The following ALPL variants were observed in gnomAD, a reference collection of about 807,000 sequenced individuals.
ALPL encodes the protein alkaline phosphatase, tissue-nonspecific isozyme.
In ALPL, 42 loss-of-function variants were observed where a neutral mutation model predicts 51.3. The ratio of observed to expected loss-of-function variants is 0.82; its 90% CI spans 0.64 to 1.06. ALPL has a LOEUF of 1.06. ALPL is among the 50% of genes least tolerant of loss of function. The pLI, the probability that ALPL is intolerant of heterozygous loss-of-function variation, is 0.00. For synonymous variants in ALPL, 279 were observed against 296.4 expected, an observed-to-expected ratio of 0.94 and a Z score of 0.60; for missense variants, 589 against 709.4, an observed-to-expected ratio of 0.83 and a Z score of 1.93.
chr1:21,532,173 A>T (rs568872820), intron 1 of ALPL, among the ~76,000 whole-genome samples: 76 of 152,242 alleles, frequency 5.0e-4, no homozygotes, highest in African/African-American at 1.6e-3. Flanking sequence ...TATTAGAATA[A>T]AAAGACCAAG....
intron 1 of ALPL, among the ~76,000 whole-genome samples, chr1:21,514,076 C>T (rs1643744873): frequency 6.6e-6 from 1 of 152,190 alleles, no homozygotes; most frequent in Non-Finnish European, 1.5e-5. Flanking sequence ...ATATGGGACA[C>T]GTGGACACTA....
chr1:21,571,921 A>T (rs1458126565), intron 8 of ALPL, among the ~76,000 whole-genome samples: 3 of 151,772 alleles, frequency 2.0e-5, no homozygotes, highest in Non-Finnish European at 4.4e-5. Flanking sequence ...TGAGCCCAGG[A>T]GGTTGAGGCT....
At position 21,546,838 on chromosome 1, in the gene ALPL, A is replaced by C. The variant is rs555403368; in HGVS notation, c.-104-7140A>C. On this transcript the variant is annotated intron_variant, in intron 1 of 11. Transcript: ENST00000374840. ...CCTGGTACACAGTTGGTGCTCAATA[A>C]GAGCAGTTCGTCTTCTTCTGAGCAT... Among the ~76,000 whole-genome samples, 71 of 152,352 alleles carry C rather than the reference A, an allele frequency of 4.7e-4. 1 individual carries two copies. The highest frequency in any genetic ancestry group is 2.5e-4 in the Non-Finnish European group (17 of 68,034).
At chr1:21,550,099 G>A (rs1644301906) in intron 1 of ALPL, among the ~76,000 whole-genome samples, 1 of 152,192 alleles carries the variant, frequency 6.6e-6, no homozygotes, top group Non-Finnish European at 1.5e-5. Flanking sequence ...GGATCGCCAG[G>A]TTTAGGGATG....
chr1:21,527,078 G>C (rs1643956848), intron 1 of ALPL, among the ~76,000 whole-genome samples: 1 of 125,770 alleles, frequency 8.0e-6, no homozygotes, highest in South Asian at 2.3e-4. Flanking sequence ...TGTTGCCCAG[G>C]CTGGAGTGCA....
intron 8 of ALPL, among the ~76,000 whole-genome samples, chr1:21,571,410 T>C (rs4654971): frequency 0.086 from 13,092 of 151,794 alleles, 1,226 homozygotes; most frequent in East Asian, 0.45. Context: ...CAGTGGCTCA[T>C]GCCTGTAATC....
chr1:21,577,339 A>T (rs1204850002), intron 11 of ALPL, 44 bp from the exon 12 acceptor site: 2 of 1,612,674 alleles, frequency 1.2e-6, no homozygotes, highest in Non-Finnish European at 1.7e-6. Flanking sequence ...GCGCAGCGCC[A>T]GGCCCCTGGC....
intron 1 of ALPL, among the ~76,000 whole-genome samples, chr1:21,525,821 C>G (rs901313043): frequency 6.6e-6 from 1 of 152,166 alleles, no homozygotes; most frequent in African/African-American, 2.4e-5. Context: ...AACCTCGTCT[C>G]TACTAAAAAT....
intron 1 of ALPL, among the ~76,000 whole-genome samples, chr1:21,511,047 C>A (rs1643676606): frequency 6.6e-6 from 1 of 152,190 alleles, no homozygotes; most frequent in Admixed American, 6.5e-5. Flanking sequence ...TGAACTGAGG[C>A]CAGAACAAGA....
chr1:21,532,437 C>A lies in ALPL; in HGVS notation c.-104-21541C>A, dbSNP rs551468047. Among the ~76,000 whole-genome samples, 143 of 152,206 alleles carry A rather than the reference C, an allele frequency of 9.4e-4. 1 individual carries two copies. The highest frequency in any genetic ancestry group is 1.2e-3 in the Non-Finnish European group (85 of 68,016). ...AACTCCTGACCTCATGTGATCCGCCCGCCTCAGCCTCCTGAAGTGCTGGGA... is the reference window on the plus strand; with the variant it reads ...AACTCCTGACCTCATGTGATCCGCCAGCCTCAGCCTCCTGAAGTGCTGGGA... On this transcript the variant is annotated intron_variant, in intron 1 of 11. Transcript: ENST00000374840.
chr1:21,519,463 G>A (rs1643862685), intron 1 of ALPL, among the ~76,000 whole-genome samples: 1 of 152,320 alleles, frequency 6.6e-6, no homozygotes, highest in African/African-American at 2.4e-5. Flanking sequence ...TTACACATGC[G>A]CAGCACAGCA....
rs137908784 is a variant in ALPL, at chr1:21,534,131, T to A, written c.-104-19847T>A. Among the ~76,000 whole-genome samples the A allele has an allele frequency of 1.6e-3, 246 of 152,114 alleles. 1 individual carries two copies. Among genetic ancestry groups the A allele is most frequent in the African/African-American group, 5.7e-3 (237 of 41,510 alleles). On this transcript the variant is annotated intron_variant, in intron 1 of 11. Transcript: ENST00000374840. ...TCCTGAGTGGCTGGGCCTACAGGTGTGTGCCACCATGCCTGGCTAATTTTT... is the reference window on the plus strand; with the variant it reads ...TCCTGAGTGGCTGGGCCTACAGGTGAGTGCCACCATGCCTGGCTAATTTTT...
At chr1:21,516,686 A>AT (rs1368952213) in intron 1 of ALPL, among the ~76,000 whole-genome samples, 1 of 152,222 alleles carries the variant, frequency 6.6e-6, no homozygotes, top group East Asian at 1.9e-4. Flanking sequence ...TCAGTTCCCT[A>AT]TTTATCTTAA....
rs35488260 is a variant in ALPL, at chr1:21,573,966, A to C, written c.997+167A>C. 0.27 allele frequency: 266,818 copies of C among 985,216 alleles called. 37,776 individuals are homozygous for C. The highest frequency in any genetic ancestry group is 0.29 in the Non-Finnish European group (242,509 of 829,748). 61.0% of individuals were successfully genotyped at this position (985,216 alleles called of 1,614,324 possible). ...GACGGGTGGCACTGTAGACACTCCC[A>C]GCCCAGCAAGCTGCTCTCCTTTGGG... On this transcript the variant is annotated intron_variant, in intron 9 of 11. Coordinates refer to ENST00000374840, the MANE Select transcript of ALPL (RefSeq NM_000478.6).
upstream of ALPL, chr1:21,509,397 A>G (rs2148044745): frequency 6.6e-6 from 1 of 150,502 alleles, no homozygotes; most frequent in East Asian, 2.0e-4. This position sits in a 1 kb window ranked among gnomAD's most constrained non-coding sequence, Gnocchi z 6.0. Context: ...GGCCGCCTTT[A>G]TAAGGCGGCG....
intron 6 of ALPL, among the ~76,000 whole-genome samples, chr1:21,567,616 G>A (rs1333141199): frequency 1.3e-5 from 2 of 152,206 alleles, no homozygotes; most frequent in African/African-American, 4.8e-5. Context: ...TGCCACAGCC[G>A]GAAAAGCCCT....
chr1:21,570,934 G>A (rs115257434), intron 8 of ALPL, among the ~76,000 whole-genome samples: 2,113 of 152,320 alleles, frequency 0.014, 23 homozygotes, highest in Middle Eastern at 0.027. Context: ...CAAGCAAGTG[G>A]TGGCAAAATC....
chr1:21,559,842 G>A (rs1222856592), intron 2 of ALPL, among the ~76,000 whole-genome samples: 3 of 152,154 alleles, frequency 2.0e-5, no homozygotes, highest in Non-Finnish European at 4.4e-5. Context: ...ATTGAGGTCT[G>A]TCTGGCACTA....
intron 1 of ALPL, among the ~76,000 whole-genome samples, chr1:21,552,186 TAA>T (rs555460823): frequency 7.6e-6 from 1 of 131,070 alleles, no homozygotes. Flanking sequence ...ATTTTTAAAT[TAA>T]AAAAAAAAAT....
Sources: gnomAD v4.1 joint callset for allele counts (sites outside exome capture counted in the v4.1 genomes callset) on GRCh38, gnomAD v4.1.1 for gene constraint, Gnocchi (gnomAD v3.1) non-coding constraint, MANE v1.5 for transcripts, NCBI Gene and HGNC (gene_info 2026-07-23, HGNC 2026-07-21) for gene names.